RBM47: variants seen among roughly 807,000 people sequenced by gnomAD.
RBM47 encodes RNA binding motif protein 47.
RBM47 carries 21 observed loss-of-function variants against 47.1 expected under a neutral mutation model. That is an observed-to-expected ratio of 0.45 (90% CI 0.32 to 0.64). The LOEUF (loss-of-function observed/expected upper bound fraction) is 0.64. Ranked by LOEUF, RBM47 falls within the 30% of genes least tolerant of loss-of-function variation. RBM47 has a pLI of 0.05. For synonymous variants in RBM47, 375 were observed against 361.7 expected, an observed-to-expected ratio of 1.04 and a Z score of -0.42; for missense variants, 708 against 870.9, an observed-to-expected ratio of 0.81 and a Z score of 2.35.
intron 1 of RBM47, among the ~76,000 whole-genome samples, chr4:40,623,613 C>T (rs909985290): frequency 1.3e-5 from 2 of 152,140 alleles, no homozygotes; most frequent in Non-Finnish European, 2.9e-5. Flanking sequence ...TGTCATCCAG[C>T]GACGCTCCTG....
chr4:40,576,124 C>T (rs1732281017), intron 1 of RBM47, among the ~76,000 whole-genome samples: 3 of 152,218 alleles, frequency 2.0e-5, no homozygotes, highest in East Asian at 3.8e-4. Context: ...CCTCCTGGGG[C>T]AGTGCCCCAG....
chr4:40,607,022 GT>G (rs1326532400), intron 1 of RBM47, among the ~76,000 whole-genome samples: 3 of 152,092 alleles, frequency 2.0e-5, no homozygotes, highest in Admixed American at 6.6e-5. Flanking sequence ...TTAAAATGAT[GT>G]GTTTTATCTT....
intron 1 of RBM47, among the ~76,000 whole-genome samples, chr4:40,553,670 T>G (rs562736948): frequency 5.9e-5 from 9 of 152,142 alleles, no homozygotes; most frequent in Admixed American, 3.3e-4. Flanking sequence ...GATAAGGGAC[T>G]TTTTCTTCTT....
At chr4:40,546,250 A>C (rs904014691) in intron 1 of RBM47, among the ~76,000 whole-genome samples, 1 of 152,000 alleles carries the variant, frequency 6.6e-6, no homozygotes, top group Non-Finnish European at 1.5e-5. Context: ...TCCCGGGTTC[A>C]AGTGATTCTC....
intron 1 of RBM47, among the ~76,000 whole-genome samples, chr4:40,572,181 G>A (rs923294382): frequency 6.7e-6 from 1 of 149,560 alleles, no homozygotes; most frequent in Admixed American, 6.6e-5. Flanking sequence ...TCAGGGGTTC[G>A]AAACCAGCCT....
At chr4:40,506,802 A>T (rs2154251904) in intron 2 of RBM47, among the ~76,000 whole-genome samples, 1 of 152,342 alleles carries the variant, frequency 6.6e-6, no homozygotes, top group South Asian at 2.1e-4. Flanking sequence ...GATGGAGCCA[A>T]ACAAGCAGTG....
In RBM47 at chr4:40,576,260, G is replaced by GGGGC. The variant is rs1553903901; in HGVS notation, c.-239-31755_-239-31754insGCCC. Among the ~76,000 whole-genome samples, 729 of 138,780 alleles carry GGGGC rather than the reference G, an allele frequency of 5.3e-3. 18 individuals carry two copies. The highest frequency in any genetic ancestry group is 0.018 in the African/African-American group (705 of 38,302). The allele number at this position is 138,780 out of a possible 152,430, so 91.0% of individuals were successfully genotyped here. On this transcript the variant is annotated intron_variant, in intron 1 of 6. Transcript: ENST00000295971. ...TTTCTGTTTTTTTTTTTTTTTTGGG[G>GGGGC]GGGGGCGGAGACAGGGTCTCCCCCT...
At chr4:40,556,191 G>T (rs550171326) in intron 1 of RBM47, among the ~76,000 whole-genome samples, 1 of 151,528 alleles carries the variant, frequency 6.6e-6, no homozygotes, top group South Asian at 2.1e-4. Flanking sequence ...ATGCACCACC[G>T]CGTCTGGCTT....
chr4:40,592,506 C>G (rs540214382), intron 1 of RBM47, among the ~76,000 whole-genome samples: 1 of 151,374 alleles, frequency 6.6e-6, no homozygotes, highest in South Asian at 2.1e-4. Flanking sequence ...CTCACCGCAA[C>G]CTCCGCCTCC....
intron 1 of RBM47, among the ~76,000 whole-genome samples, chr4:40,621,277 A>G (rs2154281471): frequency 1.3e-5 from 2 of 152,364 alleles, no homozygotes; most frequent in African/African-American, 4.8e-5. Context: ...AAATGAACGC[A>G]GAGAGGGAAC....
intron 2 of RBM47, among the ~76,000 whole-genome samples, chr4:40,525,668 A>AG (rs1391893159): frequency 6.6e-6 from 1 of 152,056 alleles, no homozygotes; most frequent in African/African-American, 2.4e-5. Context: ...AATAGGGGAA[A>AG]AAATGCAAAA....
intron 1 of RBM47, among the ~76,000 whole-genome samples, chr4:40,574,290 T>C (rs1035297868): frequency 2.0e-5 from 3 of 152,198 alleles, no homozygotes; most frequent in African/African-American, 4.8e-5. Flanking sequence ...AAACAAGCTT[T>C]TCAGTTAAGA....
At chr4:40,433,929 C>A (rs2154210698) in intron 5 of RBM47, among the ~76,000 whole-genome samples, 1 of 141,862 alleles carries the variant, frequency 7.0e-6, no homozygotes, top group East Asian at 2.1e-4. Flanking sequence ...TATTGAATGT[C>A]AAGGTACAGT....
At chr4:40,458,746 T>C (rs1344358410) in intron 3 of RBM47, among the ~76,000 whole-genome samples, 8 of 151,586 alleles carry the variant, frequency 5.3e-5, no homozygotes, top group Non-Finnish European at 1.5e-5. Context: ...CCAGCTCTGG[T>C]GATAATTGTT....
chr4:40,600,460 C>A (rs527867348), intron 1 of RBM47, among the ~76,000 whole-genome samples: 20 of 150,266 alleles, frequency 1.3e-4, no homozygotes, highest in Non-Finnish European at 2.5e-4. Flanking sequence ...TGGTGAAACC[C>A]CGTCTCTACT....
chr4:40,535,464 C>G (rs1409771483), intron 2 of RBM47, among the ~76,000 whole-genome samples: 1 of 150,886 alleles, frequency 6.6e-6, no homozygotes, highest in East Asian at 1.9e-4. Context: ...CTCCGCCTCC[C>G]GGGTTCAAGC....
At chr4:40,523,790 G>T (rs533124846) in intron 2 of RBM47, among the ~76,000 whole-genome samples, 1 of 151,884 alleles carries the variant, frequency 6.6e-6, no homozygotes, top group South Asian at 2.1e-4. Context: ...ACCTGAGCCT[G>T]GGAGGTTGAA....
At chr4:40,511,849 C>T (rs437530) in intron 2 of RBM47, among the ~76,000 whole-genome samples, 56,971 of 150,854 alleles carry the variant, frequency 0.38, 11,211 homozygotes, top group East Asian at 0.61. Flanking sequence ...GCAGGAGAAT[C>T]GCCTGAACCT....
intron 6 of RBM47, among the ~76,000 whole-genome samples, chr4:40,429,966 G>T (rs776573525): frequency 9.2e-5 from 14 of 152,002 alleles, no homozygotes; most frequent in Non-Finnish European, 1.9e-4. Flanking sequence ...AGGCTGAGGA[G>T]GGCGGATCAT....
Sources: allele counts gnomAD v4.1 joint callset (sites outside exome capture counted in the v4.1 genomes callset), GRCh38; gene constraint gnomAD v4.1.1; transcripts MANE v1.5; gene names NCBI Gene and HGNC (gene_info 2026-07-23, HGNC 2026-07-21).